The following SPSB1 variants were observed in gnomAD, a reference collection of about 807,000 sequenced individuals.
SPSB1 encodes splA/ryanodine receptor domain and SOCS box containing 1.
In SPSB1, 8 loss-of-function variants were observed where a neutral mutation model predicts 21.2. That is an observed-to-expected ratio of 0.38 (90% CI 0.22 to 0.68). The LOEUF is 0.68. Among genes scored for constraint, SPSB1 ranks in the 30% least tolerant of loss-of-function variants. SPSB1 has a pLI of 0.53. For synonymous variants in SPSB1, 169 were observed against 161.7 expected, an observed-to-expected ratio of 1.05 and a Z score of -0.34; for missense variants, 242 against 377.8, an observed-to-expected ratio of 0.64 and a Z score of 2.98.
chr1:9,362,411 T>C (rs114135017), intron 2 of SPSB1, among the ~76,000 whole-genome samples: 2,626 of 152,338 alleles, frequency 0.017, 78 homozygotes, highest in African/African-American at 0.06. Context: ...TCGTAAGAAC[T>C]GCGTAGTGTA....
intron 1 of SPSB1, among the ~76,000 whole-genome samples, chr1:9,355,027 G>A (rs1640339670): frequency 6.6e-6 from 1 of 152,200 alleles, no homozygotes; most frequent in Non-Finnish European, 1.5e-5. Flanking sequence ...GTGTGGGCAG[G>A]AAAAAGGTGG....
At chr1:9,300,075 C>G (rs930627846) in intron 1 of SPSB1, among the ~76,000 whole-genome samples, 5 of 151,764 alleles carry the variant, frequency 3.3e-5, no homozygotes. Context: ...ATTGGTAGGA[C>G]ATTTACATGT....
chr1:9,295,203 TGTGTGAGAGTGTGA>T lies in SPSB1; in HGVS notation c.-150+2138_-150+2151del, dbSNP rs1337435327. 1.3e-4 allele frequency among the ~76,000 whole-genome samples: 16 copies of T among 120,564 alleles called. 1 individual carries two copies. Among genetic ancestry groups the T allele is most frequent in the African/African-American group, 5.2e-4 (16 of 30,566 alleles). 79.1% of individuals were successfully genotyped at this position (120,564 alleles called of 152,430 possible). On this transcript the variant is annotated intron_variant, in intron 1 of 2. Transcript: ENST00000328089. ...ACCCAGTAGATGGAGTGTGTGTGTGTGTGTGAGAGTGTGAGTGTGTGTGTGTGTGTGTGTGTGTG... is the reference window on the plus strand; with the variant it reads ...ACCCAGTAGATGGAGTGTGTGTGTGTGTGTGTGTGTGTGTGTGTGTGTGTG...
At chr1:9,352,330 C>T (rs899804491) in intron 1 of SPSB1, among the ~76,000 whole-genome samples, 1 of 152,172 alleles carries the variant, frequency 6.6e-6, no homozygotes, top group African/African-American at 2.4e-5. Context: ...CGCTCCCCAC[C>T]ATCCGGATAA....
chr1:9,319,934 G>C (rs1466494365), intron 1 of SPSB1, among the ~76,000 whole-genome samples: 1 of 152,086 alleles, frequency 6.6e-6, no homozygotes, highest in Non-Finnish European at 1.5e-5. Context: ...GAGGACCATA[G>C]CCGGCCCCTG....
intron 1 of SPSB1, among the ~76,000 whole-genome samples, chr1:9,307,898 C>T (rs913378273): frequency 3.3e-5 from 5 of 152,142 alleles, no homozygotes; most frequent in Admixed American, 2.0e-4. Flanking sequence ...TTACCCTGTG[C>T]CACTCCCTCC....
chr1:9,335,750 G>A (rs796705662), intron 1 of SPSB1, among the ~76,000 whole-genome samples: 18 of 152,324 alleles, frequency 1.2e-4, no homozygotes, highest in African/African-American at 4.3e-4. Flanking sequence ...TGAGCCTGCA[G>A]TGAGCCATGA....
intron 1 of SPSB1, among the ~76,000 whole-genome samples, chr1:9,307,289 A>T (rs1294041): frequency 6.6e-6 from 1 of 152,044 alleles, no homozygotes; most frequent in Non-Finnish European, 1.5e-5. Context: ...AAGTGAACAG[A>T]TCAGTGGCAT....
chr1:9,303,020 G>T (rs933001056), intron 1 of SPSB1, among the ~76,000 whole-genome samples: 31 of 152,298 alleles, frequency 2.0e-4, no homozygotes, highest in African/African-American at 6.3e-4. Context: ...TGAACGGGGG[G>T]TAAGGCTGCC....
intron 2 of SPSB1, among the ~76,000 whole-genome samples, chr1:9,365,635 C>A (rs578144784): frequency 6.6e-6 from 1 of 152,180 alleles, no homozygotes; most frequent in Non-Finnish European, 1.5e-5. Flanking sequence ...CCATAAGCAG[C>A]CTCTCTCCAT....
chr1:9,300,506 G>A (rs890622431), intron 1 of SPSB1, among the ~76,000 whole-genome samples: 3 of 152,212 alleles, frequency 2.0e-5, no homozygotes, highest in African/African-American at 7.2e-5. Flanking sequence ...CAGGCCTTGG[G>A]ATTTTGGAGC....
intron 1 of SPSB1, among the ~76,000 whole-genome samples, chr1:9,307,793 T>C (rs1317074592): frequency 6.6e-6 from 1 of 152,228 alleles, no homozygotes; most frequent in Non-Finnish European, 1.5e-5. Context: ...TGTTGTCAGC[T>C]CCCTTCTTGA....
In SPSB1 at chr1:9,345,469, A is replaced by G. The variant is rs1240291333; in HGVS notation, c.-149-10274A>G. Among the ~76,000 whole-genome samples, 1 of 151,958 alleles carries G rather than the reference A, an allele frequency of 6.6e-6. No homozygotes were observed. Among genetic ancestry groups the G allele is most frequent in the East Asian group, 1.9e-4 (1 of 5,190 alleles). ...TTTATTCCTCTTGCCGTGGGAGGGC[A>G]TGTCTGCTGCTGTCTGGGTCACCTT... On this transcript the variant is annotated intron_variant, in intron 1 of 2. Transcript: ENST00000328089. The surrounding 1 kb of genome is among the most constrained non-coding windows in gnomAD (Gnocchi z 4.8).
chr1:9,355,850 T>A lies in SPSB1; in HGVS notation c.-42T>A. ...GAGACGAGACCACGAGATTGATGAG[T>A]TTGCCTTGGGAGTCGGTAAGAAGGT... On this transcript the variant is annotated 5_prime_UTR_variant, in exon 2 of 3. Transcript: ENST00000328089. 6.6e-7 allele frequency: 1 copy of A among 1,514,524 alleles called. No individual in the cohort carries two copies. The highest frequency in any genetic ancestry group is 8.8e-7 in the Non-Finnish European group (1 of 1,130,808). The allele number at this position is 1,514,524 out of a possible 1,614,324, so 93.8% of individuals were successfully genotyped here.
At chr1:9,297,301 G>A (rs896355722) in intron 1 of SPSB1, among the ~76,000 whole-genome samples, 1 of 152,150 alleles carries the variant, frequency 6.6e-6, no homozygotes, top group African/African-American at 2.4e-5. Context: ...GAAAATATCA[G>A]GATGCAAACT....
intron 1 of SPSB1, among the ~76,000 whole-genome samples, chr1:9,320,495 C>T (rs1639701359): frequency 6.6e-6 from 1 of 152,200 alleles, no homozygotes; most frequent in Non-Finnish European, 1.5e-5. Flanking sequence ...TTTCCCTTGG[C>T]GTTCCATAGC....
intron 2 of SPSB1, among the ~76,000 whole-genome samples, chr1:9,360,971 C>G (rs571689291): frequency 8.5e-4 from 129 of 152,156 alleles, no homozygotes; most frequent in African/African-American, 3.0e-3. Flanking sequence ...TCACCCCTAC[C>G]GATGCTGGGG....
At chr1:9,320,257 G>A (rs1344339021) in intron 1 of SPSB1, among the ~76,000 whole-genome samples, 2 of 152,202 alleles carry the variant, frequency 1.3e-5, no homozygotes, top group Non-Finnish European at 1.5e-5. Context: ...GTTGCAGCTC[G>A]ACCAAGACAG....
intron 1 of SPSB1, among the ~76,000 whole-genome samples, chr1:9,352,082 G>C (rs547135616): frequency 4.6e-5 from 7 of 152,214 alleles, no homozygotes; most frequent in African/African-American, 9.6e-5. Flanking sequence ...TGGGGTGAGG[G>C]GGTGGAGGGA....
Sources: allele counts gnomAD v4.1 joint callset (sites outside exome capture counted in the v4.1 genomes callset), GRCh38; gene constraint gnomAD v4.1.1; non-coding constraint Gnocchi (gnomAD v3.1); transcripts MANE v1.5; gene names NCBI Gene and HGNC (gene_info 2026-07-23, HGNC 2026-07-21).